NAA35: variants seen among roughly 807,000 people sequenced by gnomAD.
NAA35 encodes the protein N-alpha-acetyltransferase 35, NatC auxiliary subunit.
Under a neutral mutation model 101.7 loss-of-function variants are expected in NAA35, and 18 were observed. The ratio of observed to expected loss-of-function variants is 0.18; its 90% CI spans 0.12 to 0.26. The LOEUF is 0.26. Among genes scored for constraint, NAA35 ranks in the 10% least tolerant of loss-of-function variants. The probability of loss-of-function intolerance (pLI) is 1.00; values close to 1 mark genes in which losing one functional copy is unlikely to be tolerated. For missense variants in NAA35, 601 were observed against 886.8 expected (o/e 0.68, Z 4.09); for synonymous variants, 267 against 273.1 (o/e 0.98, Z 0.22).
intron 2 of NAA35, among the ~76,000 whole-genome samples, chr9:85,953,908 A>G (rs928490355): frequency 1.3e-5 from 2 of 152,042 alleles, no homozygotes; most frequent in Middle Eastern, 3.2e-3. Flanking sequence ...TGTGTAGACC[A>G]TGGTTTATCA....
At chr9:85,967,947 C>T (rs1829836739) in intron 6 of NAA35, among the ~76,000 whole-genome samples, 1 of 152,084 alleles carries the variant, frequency 6.6e-6, no homozygotes, top group South Asian at 2.1e-4. Context: ...GCTCACATGC[C>T]CAAAATAGGA....
chr9:85,979,852 A>G (rs1457951429), intron 11 of NAA35, among the ~76,000 whole-genome samples: 1 of 152,170 alleles, frequency 6.6e-6, no homozygotes, highest in Non-Finnish European at 1.5e-5. Context: ...TGTTTGTGGT[A>G]GTGTGGAAAA....
At chr9:85,961,476 A>C (rs1046260689) in intron 5 of NAA35, among the ~76,000 whole-genome samples, 4 of 152,226 alleles carry the variant, frequency 2.6e-5, no homozygotes, top group African/African-American at 9.6e-5. Flanking sequence ...CCTCTAGTAC[A>C]TGGTGCCAGA....
At chr9:85,941,929 G>A in intron 1 of NAA35, 4 of 1,228,154 alleles carry the variant, frequency 3.3e-6, no homozygotes, top group Non-Finnish European at 4.1e-6. Flanking sequence ...AATGTTTATG[G>A]GCCCTGGTAG....
intron 11 of NAA35, among the ~76,000 whole-genome samples, chr9:85,979,365 G>T (rs912422668): frequency 7.2e-5 from 11 of 152,216 alleles, no homozygotes; most frequent in African/African-American, 2.4e-4. Context: ...GAAGGAGGAA[G>T]TAACTTGTGG....
rs191716315 is a variant in NAA35 at position 85,952,684 on chromosome 9, A to C, written c.125-3676A>C. Among the ~76,000 whole-genome samples, 192 of 152,304 alleles carry C rather than the reference A, an allele frequency of 1.3e-3. 4 individuals are homozygous for C. In the South Asian group the frequency reaches 0.034, roughly 27 times the overall value. On this transcript the variant is annotated intron_variant, in intron 2 of 22. Coordinates refer to ENST00000361671, the MANE Select transcript of NAA35 (RefSeq NM_024635.4). ...TTTCAAGTAGAATATTTAAAAACTT[A>C]TACAAGGTTGAAACTGAATAAGATT... is the stretch of plus-strand genomic sequence containing the variant.
chr9:86,016,690 T>A lies in NAA35; in HGVS notation c.1705+15T>A, dbSNP rs1321871308. The A allele has an allele frequency of 6.2e-7, 1 of 1,606,524 alleles. No individual in the cohort carries two copies. Among genetic ancestry groups the A allele is most frequent in the East Asian group, 2.2e-5 (1 of 44,806 alleles). ...AAAAAAGAAAGGTGCTGTGGATTAT[T>A]TTTAAACTTAAGAACAGAGTGTACT... is the stretch of plus-strand genomic sequence containing the variant. On this transcript the variant is annotated intron_variant, in intron 18 of 22. Coordinates refer to ENST00000361671, the MANE Select transcript of NAA35 (RefSeq NM_024635.4).
intron 4 of NAA35, 90 bp downstream of exon 4, chr9:85,958,676 T>C: frequency 1.3e-6 from 1 of 763,886 alleles, no homozygotes; most frequent in East Asian, 2.8e-5. Context: ...AAACGTTGTA[T>C]TAAAGTCTGT....
At chr9:85,981,076 G>A (rs896341126) in intron 11 of NAA35, among the ~76,000 whole-genome samples, 4 of 152,146 alleles carry the variant, frequency 2.6e-5, no homozygotes, top group African/African-American at 9.7e-5. Context: ...TTTGGGTTAG[G>A]AAATCAGTAT....
intron 2 of NAA35, among the ~76,000 whole-genome samples, chr9:85,943,481 G>A (rs1828612929): frequency 1.3e-5 from 2 of 152,096 alleles, no homozygotes; most frequent in South Asian, 2.1e-4. Context: ...AAGACTTGGG[G>A]CACCTGCAGG....
intron 13 of NAA35, among the ~76,000 whole-genome samples, chr9:86,006,577 A>T (rs543494652): frequency 2.6e-5 from 4 of 152,324 alleles, no homozygotes; most frequent in East Asian, 3.9e-4. Context: ...TTTTAATGAC[A>T]TTCTGGAAAT....
intron 11 of NAA35, among the ~76,000 whole-genome samples, chr9:85,987,705 G>A (rs777295218): frequency 4.8e-4 from 73 of 152,274 alleles, no homozygotes; most frequent in South Asian, 8.3e-4. Flanking sequence ...ATGAGAAATA[G>A]AATCTTTCCA....
At chr9:85,977,513 A>T in intron 10 of NAA35, 67 bp downstream of exon 10, 2 of 1,137,628 alleles carry the variant, frequency 1.8e-6, no homozygotes, top group Non-Finnish European at 2.7e-6. Flanking sequence ...TGAGTGAAGC[A>T]GTTCTGAAAC....
At chr9:85,996,848 T>C (rs1831182741) in intron 12 of NAA35, among the ~76,000 whole-genome samples, 1 of 152,224 alleles carries the variant, frequency 6.6e-6, no homozygotes, top group South Asian at 2.1e-4. Context: ...AAGGGTTAGA[T>C]AATTCATCCA....
chr9:86,017,414 T>C (rs1317984165), intron 18 of NAA35, 84 bp from the exon 19 acceptor site: 1 of 1,286,436 alleles, frequency 7.8e-7, no homozygotes, highest in Non-Finnish European at 1.1e-6. Context: ...TGAAAGATTT[T>C]TTAAAATTAG....
intron 11 of NAA35, among the ~76,000 whole-genome samples, chr9:85,982,077 A>C (rs889917657): frequency 2.6e-5 from 4 of 152,220 alleles, no homozygotes; most frequent in Non-Finnish European, 4.4e-5. Flanking sequence ...TTCTCAATGC[A>C]TAGTAATATC....
intron 11 of NAA35, among the ~76,000 whole-genome samples, chr9:85,987,423 C>G (rs1020652793): frequency 6.6e-6 from 1 of 152,196 alleles, no homozygotes; most frequent in Admixed American, 6.5e-5. Context: ...ACTTGCCCAC[C>G]ATGGCAGTGT....
chr9:85,961,636 G>A (rs2117885684), intron 5 of NAA35, among the ~76,000 whole-genome samples: 1 of 152,302 alleles, frequency 6.6e-6, no homozygotes, highest in South Asian at 2.1e-4. Flanking sequence ...TGTTGGCTGG[G>A]TTGTGGTGGT....
At chr9:85,996,326 A>T in intron 11 of NAA35, 73 bp from the exon 12 acceptor site, 1 of 1,007,568 alleles carries the variant, frequency 9.9e-7, no homozygotes, top group Non-Finnish European at 1.4e-6. Context: ...TGGCATTTTT[A>T]TATTTAATAA....
Sources: allele counts gnomAD v4.1 joint callset (sites outside exome capture counted in the v4.1 genomes callset), GRCh38; gene constraint gnomAD v4.1.1; transcripts MANE v1.5; gene names NCBI Gene and HGNC (gene_info 2026-07-23, HGNC 2026-07-21).